The following VPS35L variants were observed in gnomAD, a reference collection of about 807,000 sequenced individuals.
VPS35L encodes VPS35 endosomal protein sorting factor like.
VPS35L carries 83 observed loss-of-function variants against 133.0 expected under a neutral mutation model. The ratio of observed to expected loss-of-function variants is 0.62; its 90% CI spans 0.52 to 0.75. The LOEUF (loss-of-function observed/expected upper bound fraction) is 0.75. VPS35L is among the 30% of genes least tolerant of loss of function. The probability of loss-of-function intolerance (pLI) is 0.00; values close to 1 mark genes in which losing one functional copy is unlikely to be tolerated. For synonymous variants in VPS35L, 423 were observed against 449.9 expected, an observed-to-expected ratio of 0.94 and a Z score of 0.76; for missense variants, 1,083 against 1,206.8, an observed-to-expected ratio of 0.90 and a Z score of 1.52.
chr16:19,642,464 A>G lies in VPS35L; in HGVS notation c.1853A>G (p.His618Arg). ...CTTTTGCATGTTTGCAAGACCATGCATGACTCTGTGAAGTAAGCCATGCTT... is the reference window on the plus strand; with the variant it reads ...CTTTTGCATGTTTGCAAGACCATGCGTGACTCTGTGAAGTAAGCCATGCTT... ...NALLHVCKTM[H>R]DSVNALTLED... is the part of the protein sequence containing the mutation. Residue 618 changes from histidine (H) to arginine (R), a missense_variant, in exon 22 of 31, where the codon CAT becomes CGT. By Grantham distance (29) the His-to-Arg change is conservative. Coordinates refer to ENST00000417362, the MANE Select transcript of VPS35L (RefSeq NM_020314.7). 2.5e-6 allele frequency: 4 copies of G among 1,613,050 alleles called. No homozygotes were observed. Among genetic ancestry groups the G allele is most frequent in the South Asian group, 2.2e-5 (2 of 91,010 alleles).
chr16:19,638,089 C>T (rs917732437), intron 20 of VPS35L, among the ~76,000 whole-genome samples: 6 of 152,062 alleles, frequency 3.9e-5, no homozygotes, highest in Non-Finnish European at 8.8e-5. Context: ...ACCATGATTC[C>T]CTCAAAAATT....
rs35763837 is a variant in VPS35L at position 19,666,903 on chromosome 16, T to C, written c.2222-2257T>C. On this transcript the variant is annotated intron_variant, in intron 26 of 30. Coordinates refer to ENST00000417362, the MANE Select transcript of VPS35L (RefSeq NM_020314.7). ...TTCTTTCTTTCTTTCTTTCTTTCTT[T>C]CTTTCTTTCTTTCTTTCTTTCTTTC... 4.3e-3 allele frequency among the ~76,000 whole-genome samples: 297 copies of C among 69,796 alleles called. 1 individual carries two copies. The highest frequency in any genetic ancestry group is 0.022 in the African/African-American group (252 of 11,628). 45.8% of individuals were successfully genotyped at this position (69,796 alleles called of 152,430 possible). A position where few individuals can be genotyped will look rare whatever the true frequency, so the allele number is the denominator to read the frequency against.
intron 9 of VPS35L, among the ~76,000 whole-genome samples, chr16:19,606,706 C>G (rs1430533860): frequency 6.6e-6 from 1 of 152,322 alleles, no homozygotes. Context: ...TGAAAGCCAA[C>G]AAGCTAAGAA....
chr16:19,603,768 G>C (rs1972459629), intron 9 of VPS35L, among the ~76,000 whole-genome samples: 2 of 152,176 alleles, frequency 1.3e-5, no homozygotes, highest in South Asian at 4.1e-4. Context: ...TTTCACTCTT[G>C]TTGCCCAGGC....
chr16:19,650,347 C>A, intron 24 of VPS35L, 35 bp from the exon 25 acceptor site: 1 of 1,532,790 alleles, frequency 6.5e-7, no homozygotes, highest in Admixed American at 1.7e-5. Context: ...TCGGCCATCG[C>A]TTCATTACCA....
rs1472147027 is a variant in VPS35L, at chr16:19,695,023, AG to A, written c.2646+3553del. Reference sequence around the variant, plus strand: ...TCTGTTTCAGAAAAAAAAAAAAAAAAGACAGAGCTCAAGTGATCCGCCCACC... The same window carrying A: ...TCTGTTTCAGAAAAAAAAAAAAAAAAACAGAGCTCAAGTGATCCGCCCACC... On this transcript the variant is annotated intron_variant, in intron 29 of 30. Transcript: ENST00000417362. 4.0e-3 allele frequency among the ~76,000 whole-genome samples: 596 copies of A among 150,886 alleles called. 3 individuals are homozygous for A. The highest frequency in any genetic ancestry group is 0.013 in the African/African-American group (533 of 41,038).
At chr16:19,560,879 A>G (rs1971006990) in intron 1 of VPS35L, among the ~76,000 whole-genome samples, 1 of 151,898 alleles carries the variant, frequency 6.6e-6, no homozygotes, top group East Asian at 1.9e-4. Flanking sequence ...TCTTATTCAA[A>G]TTTATCCTTT....
chr16:19,610,444 G>T (rs373233758), intron 12 of VPS35L, 29 bp downstream of exon 12: 1 of 1,572,994 alleles, frequency 6.4e-7, no homozygotes, highest in Non-Finnish European at 8.7e-7. Flanking sequence ...TGCCCTTGAC[G>T]GCACGGCTGC....
chr16:19,686,622 G>A (rs1326454698), intron 28 of VPS35L, among the ~76,000 whole-genome samples: 3 of 152,106 alleles, frequency 2.0e-5, no homozygotes, highest in Admixed American at 1.3e-4. Context: ...ATTTTTAGTG[G>A]CCATTTGCAG....
intron 26 of VPS35L, among the ~76,000 whole-genome samples, chr16:19,658,097 C>T (rs1974363076): frequency 6.6e-6 from 1 of 152,174 alleles, no homozygotes; most frequent in Non-Finnish European, 1.5e-5. Context: ...GGCAAGTCTC[C>T]TCCTGACAAT....
At chr16:19,666,983 T>TTTCTTC (rs1567470725) in intron 26 of VPS35L, among the ~76,000 whole-genome samples, 39 of 100,810 alleles carry the variant, frequency 3.9e-4, no homozygotes, top group African/African-American at 1.9e-3. Flanking sequence ...TTCCTTTCTT[T>TTTCTTC]CTTTCTTTCT....
At chr16:19,567,875 C>T (rs1195696093) in intron 2 of VPS35L, among the ~76,000 whole-genome samples, 2 of 151,462 alleles carry the variant, frequency 1.3e-5, no homozygotes, top group East Asian at 1.9e-4. Context: ...GAGACGGAGG[C>T]AGGAAGATTG....
Position 19,608,279 on chromosome 16 carries a change from CCTT to C in VPS35L, c.881+6_881+8del. 1 of 1,495,622 alleles carries C rather than the reference CCTT, an allele frequency of 6.7e-7. No homozygotes were observed. Among genetic ancestry groups the C allele is most frequent in the Non-Finnish European group, 9.1e-7 (1 of 1,104,582 alleles). 92.6% of individuals were successfully genotyped at this position (1,495,622 alleles called of 1,614,324 possible). A position where few individuals can be genotyped will look rare whatever the true frequency, so the allele number is the denominator to read the frequency against. The stretch of plus-strand genomic sequence containing the variant: ...CAGGGAACTCATTCCAAGATTGTAT[CCTT>C]TTTTTTTTTTTTGGTCTGATGATTT... On this transcript the variant is annotated splice_donor_region_variant and intron_variant, in intron 10 of 30. Transcript: ENST00000417362.
chr16:19,661,507 T>C (rs922753125), intron 26 of VPS35L, among the ~76,000 whole-genome samples: 1 of 152,158 alleles, frequency 6.6e-6, no homozygotes, highest in African/African-American at 2.4e-5. Flanking sequence ...GACATCCCAG[T>C]GGGAGGTTAC....
At chr16:19,586,970 G>A (rs1484224525) in intron 7 of VPS35L, among the ~76,000 whole-genome samples, 1 of 152,180 alleles carries the variant, frequency 6.6e-6, no homozygotes, top group Admixed American at 6.6e-5. Context: ...GAAAAGAGGT[G>A]TAATTGACTC....
At chr16:19,603,006 C>A (rs961502212) in intron 9 of VPS35L, among the ~76,000 whole-genome samples, 2 of 150,762 alleles carry the variant, frequency 1.3e-5, no homozygotes, top group East Asian at 3.9e-4. Flanking sequence ...CCCAAGCAGT[C>A]CTCCCACCTC....
chr16:19,699,431 T>C lies in VPS35L; in HGVS notation c.2647-71T>C. On this transcript the variant is annotated intron_variant, in intron 29 of 30. Coordinates refer to ENST00000417362, the MANE Select transcript of VPS35L (RefSeq NM_020314.7). This position sits in a 1 kb window ranked among gnomAD's most constrained non-coding sequence, Gnocchi z 4.2. ...GCATGACCTACCCCAGAGTCAGCACTGTCCACAGCATCTCTGCGGGGCACG... is the reference window on the plus strand; with the variant it reads ...GCATGACCTACCCCAGAGTCAGCACCGTCCACAGCATCTCTGCGGGGCACG... 1 of 1,580,712 alleles carries C rather than the reference T, an allele frequency of 6.3e-7. No individual in the cohort carries two copies. Among genetic ancestry groups the C allele is most frequent in the Non-Finnish European group, 8.6e-7 (1 of 1,158,154 alleles).
intron 26 of VPS35L, among the ~76,000 whole-genome samples, chr16:19,660,381 T>G (rs1974445073): frequency 6.6e-6 from 1 of 152,058 alleles, no homozygotes; most frequent in African/African-American, 2.4e-5. Flanking sequence ...TCGATCTTCC[T>G]GGGCTAGGAC....
chr16:19,669,355 A>C (rs1057087538), intron 27 of VPS35L, 56 bp downstream of exon 27: 29 of 1,539,746 alleles, frequency 1.9e-5, no homozygotes, highest in Non-Finnish European at 2.5e-5. Flanking sequence ...GCCTTATAAT[A>C]TTATATGTGT....
Sources: gnomAD v4.1 joint callset for allele counts (sites outside exome capture counted in the v4.1 genomes callset) on GRCh38, gnomAD v4.1.1 for gene constraint, Gnocchi (gnomAD v3.1) non-coding constraint, MANE v1.5 for transcripts, NCBI Gene and HGNC (gene_info 2026-07-23, HGNC 2026-07-21) for gene names.